The following OSBPL1A variants were observed in gnomAD, a reference collection of about 807,000 sequenced individuals.
The protein encoded by OSBPL1A is oxysterol binding protein like 1A.
A neutral mutation model predicts 137.1 loss-of-function variants in OSBPL1A; 80 were observed. The ratio of observed to expected loss-of-function variants is 0.58; its 90% CI spans 0.49 to 0.70. The LOEUF (loss-of-function observed/expected upper bound fraction) is 0.70. OSBPL1A is among the 30% of genes least tolerant of loss of function. The probability of loss-of-function intolerance (pLI) is 0.00; values close to 1 mark genes in which losing one functional copy is unlikely to be tolerated. For synonymous variants in OSBPL1A, 365 were observed against 389.7 expected (o/e 0.94, Z 0.75); for missense variants, 970 against 1,129.4 (o/e 0.86, Z 2.02).
chr18:24,221,638 C>T (rs2087894556), intron 17 of OSBPL1A, among the ~76,000 whole-genome samples: 2 of 151,984 alleles, frequency 1.3e-5, no homozygotes, highest in Non-Finnish European at 2.9e-5. Flanking sequence ...TGAAAGAGAC[C>T]CATTTTCTTT....
rs2089014787 is a variant in OSBPL1A at position 24,249,717 on chromosome 18, C to A, written c.1282-10335G>T. On this transcript the variant is annotated intron_variant, in intron 15 of 27. Coordinates refer to ENST00000319481, the MANE Select transcript of OSBPL1A (RefSeq NM_080597.4). ...CACACACAGGAGCATTTGGACCAGC[C>A]CTAGCCAGAGAATCACCCATCTCAG... Among the ~76,000 whole-genome samples the A allele has an allele frequency of 5.9e-5, 9 of 152,160 alleles. 1 individual carries two copies. In the South Asian group the frequency reaches 1.5e-3, roughly 25 times the overall value.
In OSBPL1A at chr18:24,291,897, T is replaced by A. The variant is rs2090181364; in HGVS notation, c.1175-10949A>T. ...GTGAAACCCTGTCTCTACTAAAAAA[T>A]AAAAAATTAAAATAAATTAAAATAA... On this transcript the variant is annotated intron_variant, in intron 14 of 27. Transcript: ENST00000319481. Among the ~76,000 whole-genome samples the A allele has an allele frequency of 2.7e-5, 4 of 150,924 alleles. No homozygotes were observed. In the South Asian group the frequency reaches 8.4e-4, roughly 32 times the overall value.
chr18:24,327,363 G>T (rs559551667), intron 7 of OSBPL1A, among the ~76,000 whole-genome samples: 2 of 152,216 alleles, frequency 1.3e-5, no homozygotes, highest in South Asian at 4.1e-4. Context: ...CTGCCAAAGT[G>T]CTGGGATTAC....
chr18:24,183,770 T>C (rs1423926487), intron 18 of OSBPL1A, among the ~76,000 whole-genome samples: 1 of 152,226 alleles, frequency 6.6e-6, no homozygotes, highest in African/African-American at 2.4e-5. Flanking sequence ...ATGTCAGCTC[T>C]GTGTATTGAC....
chr18:24,312,873 T>C (rs2090645034), intron 12 of OSBPL1A, among the ~76,000 whole-genome samples: 3 of 152,244 alleles, frequency 2.0e-5, no homozygotes, highest in Admixed American at 6.5e-5. Context: ...CGGTGGCTCA[T>C]GCCTGTAATC....
intron 18 of OSBPL1A, among the ~76,000 whole-genome samples, chr18:24,188,371 T>A (rs1448238489): frequency 1.3e-5 from 2 of 152,214 alleles, no homozygotes; most frequent in Non-Finnish European, 2.9e-5. Context: ...TTCCAGGGGC[T>A]TGAAGCCAAT....
chr18:24,250,746 G>A (rs2089062239), intron 15 of OSBPL1A, among the ~76,000 whole-genome samples: 1 of 152,212 alleles, frequency 6.6e-6, no homozygotes, highest in African/African-American at 2.4e-5. Context: ...AAGGGACTTT[G>A]TCTTGCACCT....
At position 24,333,029 on chromosome 18, in the gene OSBPL1A, A is replaced by G; in HGVS notation, c.538T>C (p.Leu180=). 1 of 1,614,182 alleles carries G rather than the reference A, an allele frequency of 6.2e-7. No individual in the cohort carries two copies. Among genetic ancestry groups the G allele is most frequent in the Middle Eastern group, 1.6e-4 (1 of 6,062 alleles). ...TGGGCCCGGTAAGCTGCACAATGCA[A>G]GGGTGTATTTCCTAACTGATCCGAA... ...NCSDQLGNTP[L]HCAAYRAHKQ... is the part of the protein sequence containing the mutation. The change falls in exon 7 of 28, where the codon TTG becomes CTG. Residue 180 remains leucine, a synonymous_variant. Coordinates refer to ENST00000319481, the MANE Select transcript of OSBPL1A (RefSeq NM_080597.4).
chr18:24,278,941 A>G (rs540689099), intron 15 of OSBPL1A, among the ~76,000 whole-genome samples: 1 of 152,304 alleles, frequency 6.6e-6, no homozygotes, highest in South Asian at 2.1e-4. Flanking sequence ...AAACAGTATT[A>G]AAAAATCAAC....
intron 15 of OSBPL1A, among the ~76,000 whole-genome samples, chr18:24,259,387 A>G (rs2089382023): frequency 6.6e-6 from 1 of 152,154 alleles, no homozygotes; most frequent in South Asian, 2.1e-4. Flanking sequence ...GTAAGCCCCA[A>G]GTTTTACCTT....
chr18:24,364,787 C>CGAGGTGGGTGGCCTAG (rs1239196944), intron 4 of OSBPL1A: 1 of 151,576 alleles, frequency 6.6e-6, no homozygotes. Flanking sequence ...TCTGAGAGAC[C>CGAGGTGGGTGGCCTAG]GAGGTGGGTG....
Position 24,303,722 on chromosome 18 carries a change from CA to C in OSBPL1A, c.1093-5del, listed in dbSNP as rs971793291. 6.2e-7 allele frequency: 1 copy of C among 1,606,250 alleles called. No individual in the cohort carries two copies. Among genetic ancestry groups the C allele is most frequent in the South Asian group, 1.1e-5 (1 of 90,208 alleles). ...GCTGTTGGCATGACTGTGCTTTCTG[CA>C]AAAAAAGAAAAGACAAAATTAAAAC... On this transcript the variant is annotated splice_region_variant and splice_polypyrimidine_tract_variant and intron_variant, in intron 13 of 27. Transcript: ENST00000319481.
intron 17 of OSBPL1A, among the ~76,000 whole-genome samples, chr18:24,214,259 G>A (rs1246649541): frequency 6.6e-6 from 1 of 152,200 alleles, no homozygotes; most frequent in East Asian, 1.9e-4. Context: ...GAAACGGTCT[G>A]AACAACAGAG....
intron 7 of OSBPL1A, among the ~76,000 whole-genome samples, chr18:24,330,485 CTTTTT>C (rs543591621): frequency 7.0e-6 from 1 of 142,676 alleles, no homozygotes; most frequent in African/African-American, 2.5e-5. Flanking sequence ...AGAGATAAAA[CTTTTT>C]TTTTTTTTTT....
chr18:24,316,546 C>A (rs2090738326), intron 11 of OSBPL1A, among the ~76,000 whole-genome samples: 2 of 151,944 alleles, frequency 1.3e-5, no homozygotes, highest in Non-Finnish European at 2.9e-5. Flanking sequence ...AATTTTAAAA[C>A]AAAATGTATT....
intron 17 of OSBPL1A, among the ~76,000 whole-genome samples, chr18:24,207,478 T>C (rs1452678072): frequency 6.6e-6 from 1 of 152,280 alleles, no homozygotes; most frequent in Non-Finnish European, 1.5e-5. Flanking sequence ...TTAAGTATTA[T>C]GTAGGAATCA....
intron 7 of OSBPL1A, among the ~76,000 whole-genome samples, chr18:24,330,670 C>T (rs956055842): frequency 6.6e-6 from 1 of 151,986 alleles, no homozygotes; most frequent in Middle Eastern, 3.4e-3. Flanking sequence ...GTGATCCACC[C>T]GCCTCGGCCT....
At chr18:24,339,641 G>A (rs180954180) in intron 5 of OSBPL1A, among the ~76,000 whole-genome samples, 2 of 152,216 alleles carry the variant, frequency 1.3e-5, no homozygotes, top group Admixed American at 1.3e-4. Context: ...TTCTCTTCTT[G>A]TTATAATTAA....
At chr18:24,215,885 G>GTACA (rs1292963295) in intron 17 of OSBPL1A, among the ~76,000 whole-genome samples, 2 of 152,142 alleles carry the variant, frequency 1.3e-5, no homozygotes, top group Non-Finnish European at 2.9e-5. Flanking sequence ...GGGGAAGAGG[G>GTACA]TACATCTTTG....
Sources: allele counts gnomAD v4.1 joint callset (sites outside exome capture counted in the v4.1 genomes callset), GRCh38; gene constraint gnomAD v4.1.1; transcripts MANE v1.5; gene names NCBI Gene and HGNC (gene_info 2026-07-23, HGNC 2026-07-21).